Variants in PLXDC2 observed in about 807,000 individuals in gnomAD.
The protein encoded by PLXDC2 is plexin domain-containing protein 2.
PLXDC2 carries 40 observed loss-of-function variants against 68.9 expected under a neutral mutation model. That is an observed-to-expected ratio of 0.58 (90% CI 0.45 to 0.76). The LOEUF (loss-of-function observed/expected upper bound fraction) is 0.76, where lower values mean the gene tolerates loss of function less well. PLXDC2 is among the 30% of genes least tolerant of loss of function. PLXDC2 has a pLI of 0.00. For missense variants in PLXDC2, 644 were observed against 661.9 expected (o/e 0.97, Z 0.30); for synonymous variants, 243 against 234.2 (o/e 1.04, Z -0.34).
intron 7 of PLXDC2, among the ~76,000 whole-genome samples, chr10:20,170,740 C>T (rs1359176565): frequency 6.6e-6 from 1 of 151,878 alleles, no homozygotes; most frequent in Non-Finnish European, 1.5e-5. Flanking sequence ...TGAGCCTGAG[C>T]AATTGAATTT....
At chr10:20,135,051 G>T (rs1002354855) in intron 4 of PLXDC2, among the ~76,000 whole-genome samples, 2 of 152,168 alleles carry the variant, frequency 1.3e-5, no homozygotes, top group Non-Finnish European at 2.9e-5. Flanking sequence ...GCTCCACTTA[G>T]GTGCTATAAT....
intron 12 of PLXDC2, among the ~76,000 whole-genome samples, chr10:20,227,223 TG>T (rs1461061206): frequency 6.6e-6 from 1 of 152,138 alleles, no homozygotes; most frequent in African/African-American, 2.4e-5. Flanking sequence ...CATGGTCTGA[TG>T]CCTGTCCTAA....
intron 9 of PLXDC2, among the ~76,000 whole-genome samples, chr10:20,189,314 G>A (rs1834728513): frequency 6.7e-6 from 1 of 150,092 alleles, no homozygotes; most frequent in Non-Finnish European, 1.5e-5. Flanking sequence ...CTTCCCTTTG[G>A]AGAACCTGTC....
intron 1 of PLXDC2, among the ~76,000 whole-genome samples, chr10:19,977,710 G>A (rs1564645584): frequency 6.6e-6 from 1 of 152,080 alleles, no homozygotes; most frequent in Non-Finnish European, 1.5e-5. Flanking sequence ...GCAGATGGCT[G>A]CCTTCTTGCT....
chr10:19,906,791 C>T (rs1412146695), intron 1 of PLXDC2, among the ~76,000 whole-genome samples: 4 of 152,106 alleles, frequency 2.6e-5, no homozygotes, highest in African/African-American at 7.2e-5. Flanking sequence ...ATGAGGTGGT[C>T]AGAGAAGATT....
chr10:20,190,606 T>C (rs1040426552), intron 9 of PLXDC2, among the ~76,000 whole-genome samples: 27 of 150,758 alleles, frequency 1.8e-4, no homozygotes, highest in African/African-American at 5.8e-4. Flanking sequence ...TAAATATATA[T>C]ATATATATAT....
chr10:20,170,612 A>C (rs1834435225), intron 7 of PLXDC2, among the ~76,000 whole-genome samples: 1 of 152,192 alleles, frequency 6.6e-6, no homozygotes, highest in Admixed American at 6.5e-5. Flanking sequence ...TAATAGTAAT[A>C]GCATAGACCA....
intron 1 of PLXDC2, among the ~76,000 whole-genome samples, chr10:19,919,951 T>C (rs889270410): frequency 1.3e-5 from 2 of 152,208 alleles, no homozygotes; most frequent in African/African-American, 4.8e-5. Context: ...TTAGGAGGAA[T>C]GGAGTAGAAA....
chr10:20,256,510 C>G (rs1205220268), intron 13 of PLXDC2, among the ~76,000 whole-genome samples: 2 of 151,830 alleles, frequency 1.3e-5, no homozygotes, highest in Non-Finnish European at 2.9e-5. Flanking sequence ...ATGATATTTG[C>G]TTCGTAAAAA....
intron 13 of PLXDC2, among the ~76,000 whole-genome samples, chr10:20,257,113 A>ATT (rs1353083203): frequency 5.9e-5 from 9 of 152,146 alleles, no homozygotes; most frequent in African/African-American, 2.2e-4. Context: ...TGAAGGTACA[A>ATT]ATACCAACTC....
intron 2 of PLXDC2, among the ~76,000 whole-genome samples, chr10:20,022,639 G>C (rs950067624): frequency 6.6e-6 from 1 of 152,066 alleles, no homozygotes; most frequent in Admixed American, 6.6e-5. Flanking sequence ...TCCTCTACAC[G>C]CTTTGACACA....
At chr10:20,146,749 G>T (rs1397530888) in intron 5 of PLXDC2, among the ~76,000 whole-genome samples, 1 of 151,914 alleles carries the variant, frequency 6.6e-6, no homozygotes, top group African/African-American at 2.4e-5. Context: ...CAAAATATTT[G>T]AAATAATGTG....
At chr10:20,274,146 G>A (rs998599036) in intron 13 of PLXDC2, among the ~76,000 whole-genome samples, 7 of 151,900 alleles carry the variant, frequency 4.6e-5, no homozygotes, top group Non-Finnish European at 1.0e-4. Context: ...GAAAGAAAGT[G>A]TTCTTGGAAA....
chr10:20,136,532 CA>C lies in PLXDC2; in HGVS notation c.542-6761del, dbSNP rs369003146. ...ACTGCAAACCCGCAGTTAAATAATT[CA>C]ATTCTTCATGAATAGAAGAAGTGGA... On this transcript the variant is annotated intron_variant, in intron 4 of 13. Coordinates refer to ENST00000377252, the MANE Select transcript of PLXDC2 (RefSeq NM_032812.9). Among the ~76,000 whole-genome samples the C allele has an allele frequency of 7.2e-5, 11 of 152,242 alleles. No homozygotes were observed. The East Asian group carries it at 1.7e-3, about 24-fold the overall frequency.
intron 1 of PLXDC2, among the ~76,000 whole-genome samples, chr10:19,924,222 T>C (rs1833504464): frequency 1.3e-5 from 2 of 152,174 alleles, no homozygotes; most frequent in Admixed American, 6.5e-5. Flanking sequence ...GTTTGGCCAT[T>C]GAGTTGCCTC....
chr10:20,160,948 C>T (rs1178480837), intron 6 of PLXDC2, among the ~76,000 whole-genome samples: 1 of 152,054 alleles, frequency 6.6e-6, no homozygotes, highest in Non-Finnish European at 1.5e-5. Context: ...ATGATCATGC[C>T]ACTGCACTCC....
intron 13 of PLXDC2, among the ~76,000 whole-genome samples, chr10:20,274,755 C>A (rs1194202758): frequency 2.0e-5 from 3 of 152,006 alleles, no homozygotes; most frequent in African/African-American, 4.8e-5. Context: ...CACACAGGAG[C>A]CGTTTGTTTT....
chr10:20,165,903 A>G (rs550386111), intron 7 of PLXDC2, among the ~76,000 whole-genome samples: 2 of 152,240 alleles, frequency 1.3e-5, no homozygotes, highest in Admixed American at 6.5e-5. Context: ...CTTCACTCCA[A>G]GAACAGTCCC....
At chr10:19,944,948 A>G (rs1376199708) in intron 1 of PLXDC2, among the ~76,000 whole-genome samples, 2 of 152,174 alleles carry the variant, frequency 1.3e-5, no homozygotes, top group Non-Finnish European at 2.9e-5. Flanking sequence ...GCGAAACTCC[A>G]TCTCAAACAA....
Sources: gnomAD v4.1 joint callset for allele counts (sites outside exome capture counted in the v4.1 genomes callset) on GRCh38, gnomAD v4.1.1 for gene constraint, MANE v1.5 for transcripts, NCBI Gene and HGNC (gene_info 2026-07-23, HGNC 2026-07-21) for gene names.